Variants in COL5A2 observed in about 807,000 individuals in gnomAD.
COL5A2 encodes collagen type V alpha 2 chain.
COL5A2 carries 23 observed loss-of-function variants against 208.2 expected under a neutral mutation model. The observed-to-expected ratio is 0.11, with a 90% confidence interval of 0.08 to 0.16. The LOEUF is 0.16. Ranked by LOEUF, COL5A2 falls within the 10% of genes least tolerant of loss-of-function variation. The pLI is 1.00. For synonymous variants in COL5A2, 625 were observed against 628.5 expected (o/e 0.99, Z 0.08); for missense variants, 1,590 against 1,956.4 (o/e 0.81, Z 3.53).
chr2:189,369,186 G>A, the COL5A2 span, among the ~76,000 whole-genome samples: 3 of 152,212 alleles, frequency 2.0e-5, no homozygotes, highest in Non-Finnish European at 2.9e-5. Flanking sequence ...ATTTAAGTTA[G>A]AGCATGTATC....
the COL5A2 span, among the ~76,000 whole-genome samples, chr2:189,321,262 C>T: frequency 0.016 from 2,404 of 152,178 alleles, 27 homozygotes; most frequent in Non-Finnish European, 0.025. Context: ...CATCAACTAA[C>T]GAGTAAAATA....
At chr2:189,369,958 A>C in the COL5A2 span, among the ~76,000 whole-genome samples, 5 of 152,186 alleles carry the variant, frequency 3.3e-5, no homozygotes, top group East Asian at 5.8e-4. Flanking sequence ...CCATAAATTT[A>C]TTGGGCAGGT....
intron 1 of COL5A2, among the ~76,000 whole-genome samples, chr2:189,114,895 T>A (rs1260205379): frequency 3.3e-5 from 5 of 151,840 alleles, no homozygotes; most frequent in Admixed American, 3.3e-4. Context: ...ATTAGATAAA[T>A]ATTTTTATAT....
intron 14 of COL5A2, among the ~76,000 whole-genome samples, chr2:189,079,717 T>C (rs1458805396): frequency 6.6e-6 from 1 of 152,206 alleles, no homozygotes; most frequent in East Asian, 1.9e-4. Flanking sequence ...GATAGATTCA[T>C]AGTGCCATCT....
At chr2:189,080,965 G>A (rs760681354) in intron 13 of COL5A2, 25 bp downstream of exon 13, 1 of 1,601,566 alleles carries the variant, frequency 6.2e-7, no homozygotes, top group Admixed American at 1.7e-5. Context: ...CAGTATCTGA[G>A]AGGATTACAA....
the COL5A2 span, among the ~76,000 whole-genome samples, chr2:189,426,026 G>T: frequency 6.6e-6 from 1 of 152,214 alleles, no homozygotes; most frequent in African/African-American, 2.4e-5. Context: ...ACAGAAAATT[G>T]GTATTCAAGA....
At chr2:189,156,109 C>G (rs746304580) in intron 1 of COL5A2, among the ~76,000 whole-genome samples, 1 of 152,108 alleles carries the variant, frequency 6.6e-6, no homozygotes, top group Non-Finnish European at 1.5e-5. Context: ...TTAAAATTAG[C>G]TGATTGGCAA....
the COL5A2 span, among the ~76,000 whole-genome samples, chr2:189,293,580 T>A: frequency 6.6e-6 from 1 of 152,096 alleles, no homozygotes; most frequent in Non-Finnish European, 1.5e-5. Flanking sequence ...GGGAATTAAG[T>A]CGTGAAGGCG....
At chr2:189,064,065 G>A (rs1686091692) in intron 25 of COL5A2, 32 bp from the exon 26 acceptor site, 1 of 1,577,230 alleles carries the variant, frequency 6.3e-7, no homozygotes, top group South Asian at 1.1e-5. Context: ...TCAGTTTGTT[G>A]CTGATATGCA....
At chr2:189,374,901 C>T in the COL5A2 span, among the ~76,000 whole-genome samples, 3 of 152,164 alleles carry the variant, frequency 2.0e-5, no homozygotes, top group East Asian at 1.9e-4. Context: ...GAATGAAGCA[C>T]CTTTATCTTC....
At chr2:189,068,333 G>T in intron 19 of COL5A2, 63 bp from the exon 20 acceptor site, 1 of 1,307,078 alleles carries the variant, frequency 7.7e-7, no homozygotes, top group Non-Finnish European at 1.1e-6. Flanking sequence ...AAATGTGCTA[G>T]TATACAGATG....
intron 1 of COL5A2, among the ~76,000 whole-genome samples, chr2:189,174,699 G>T (rs1261048662): frequency 3.9e-5 from 6 of 152,166 alleles, no homozygotes. Flanking sequence ...CAAGATCTTA[G>T]GTGATTCTTT....
At chr2:189,414,209 C>T in the COL5A2 span, among the ~76,000 whole-genome samples, 1,292 of 152,164 alleles carry the variant, frequency 8.5e-3, 18 homozygotes, top group African/African-American at 0.029. Flanking sequence ...CTTCAGTCTT[C>T]GCAAGTGTAA....
chr2:189,293,452 G>A, the COL5A2 span, among the ~76,000 whole-genome samples: 15 of 152,210 alleles, frequency 9.9e-5, no homozygotes, highest in African/African-American at 3.4e-4. Context: ...TTTCCAGTAG[G>A]ATAGAACAAG....
chr2:189,311,164 A>T, the COL5A2 span: 1 of 692,468 alleles, frequency 1.4e-6, no homozygotes, highest in Non-Finnish European at 2.5e-6. Context: ...AGCACTGCAC[A>T]GCCACTTTAC....
chr2:189,191,180 CA>C (rs1287764563), intron 1 of COL5A2, among the ~76,000 whole-genome samples: 2 of 93,928 alleles, frequency 2.1e-5, no homozygotes, highest in African/African-American at 6.3e-5. Context: ...CAAAAAACAA[CA>C]ACAAAAAAAA....
chr2:189,154,169 G>T (rs1015680887), intron 1 of COL5A2, among the ~76,000 whole-genome samples: 1 of 152,046 alleles, frequency 6.6e-6, no homozygotes, highest in Admixed American at 6.6e-5. Context: ...CAGCTCTTTG[G>T]ATACCTTAAA....
chr2:189,382,970 C>T, the COL5A2 span, among the ~76,000 whole-genome samples: 1 of 152,090 alleles, frequency 6.6e-6, no homozygotes, highest in African/African-American at 2.4e-5. Context: ...AGGAATATCA[C>T]AAAGTATATT....
chr2:189,104,221 T>C (rs770517013), intron 3 of COL5A2, 43 bp downstream of exon 3: 2 of 1,412,304 alleles, frequency 1.4e-6, no homozygotes, highest in Admixed American at 1.7e-5. Context: ...GTATTGGATA[T>C]AAGTCTGCTT....
Sources: gnomAD v4.1 joint callset for allele counts (sites outside exome capture counted in the v4.1 genomes callset) on GRCh38, gnomAD v4.1.1 for gene constraint, MANE v1.5 for transcripts, NCBI Gene and HGNC (gene_info 2026-07-23, HGNC 2026-07-21) for gene names.